Variants in ESYT2 observed in about 807,000 individuals in gnomAD.
The protein encoded by ESYT2 is extended synaptotagmin 2.
ESYT2 carries 54 observed loss-of-function variants against 107.2 expected under a neutral mutation model. The observed-to-expected ratio is 0.50, with a 90% CI of 0.40 to 0.63. ESYT2 has a LOEUF of 0.63. ESYT2 is among the 30% of genes least tolerant of loss of function. The pLI is 0.00. For synonymous variants in ESYT2, 491 were observed against 434.1 expected (o/e 1.13, Z -1.63); for missense variants, 1,020 against 1,094.5 (o/e 0.93, Z 0.96).
chr7:158,763,732 AG>A (rs1563635500), intron 9 of ESYT2, among the ~76,000 whole-genome samples: 2 of 152,164 alleles, frequency 1.3e-5, no homozygotes, highest in Admixed American at 1.3e-4. Context: ...GCGTCTCAAT[AG>A]ATCAAGTTCA....
At chr7:158,806,133 T>TGGGAGGC (rs1584873959) in intron 1 of ESYT2, among the ~76,000 whole-genome samples, 201 of 36,388 alleles carry the variant, frequency 5.5e-3, no homozygotes, top group South Asian at 8.0e-3. Flanking sequence ...GCGTGGGAGG[T>TGGGAGGC]GCCGGGGCAC....
At chr7:158,810,311 T>C (rs779933088) in intron 1 of ESYT2, among the ~76,000 whole-genome samples, 2 of 152,178 alleles carry the variant, frequency 1.3e-5, no homozygotes, top group Middle Eastern at 3.2e-3. Context: ...ACACAAAATA[T>C]AGCCTTTTCA....
intron 11 of ESYT2, among the ~76,000 whole-genome samples, chr7:158,760,385 C>T (rs1199539267): frequency 6.6e-6 from 1 of 152,252 alleles, no homozygotes; most frequent in Non-Finnish European, 1.5e-5. Context: ...GCTTTACACA[C>T]ACCAACCCCG....
At chr7:158,808,271 G>A (rs939818406) in intron 1 of ESYT2, among the ~76,000 whole-genome samples, 1 of 152,262 alleles carries the variant, frequency 6.6e-6, no homozygotes, top group African/African-American at 2.4e-5. Context: ...TTCTGAGTAA[G>A]GTGATGAAAT....
chr7:158,735,995 T>C (rs908318707), intron 20 of ESYT2, among the ~76,000 whole-genome samples: 4 of 152,122 alleles, frequency 2.6e-5, no homozygotes, highest in African/African-American at 9.7e-5. Flanking sequence ...GGTTTAGTCT[T>C]CAGGCCCTAT....
chr7:158,740,176 C>T (rs916996131), intron 18 of ESYT2, among the ~76,000 whole-genome samples: 3 of 152,204 alleles, frequency 2.0e-5, no homozygotes, highest in African/African-American at 7.2e-5. Context: ...CGGACTGCTG[C>T]TGGCTGTTCT....
chr7:158,744,557 T>C (rs765640181), intron 16 of ESYT2, among the ~76,000 whole-genome samples: 6 of 152,216 alleles, frequency 3.9e-5, no homozygotes, highest in Non-Finnish European at 7.3e-5. Flanking sequence ...CAGAGGTGGA[T>C]CTCACTATGT....
At chr7:158,736,283 G>C (rs1836946755) in intron 20 of ESYT2, among the ~76,000 whole-genome samples, 1 of 152,224 alleles carries the variant, frequency 6.6e-6, no homozygotes, top group African/African-American at 2.4e-5. Flanking sequence ...AAAGCTACTT[G>C]TATGAAAGTA....
chr7:158,793,069 A>G lies in ESYT2; in HGVS notation c.584+581T>C, dbSNP rs144781873. Among the ~76,000 whole-genome samples the G allele has an allele frequency of 2.6e-3, 380 of 148,682 alleles. 8 individuals carry two copies. In the East Asian group the frequency reaches 0.065, roughly 26 times the overall value. On this transcript the variant is annotated intron_variant, in intron 4 of 22. Transcript: ENST00000275418. ...AGGCATGAGCCACCACGCCCGGCCC[A>G]CTGAGTATGTTAACTGTGGGGTTTT...
intron 8 of ESYT2, 93 bp downstream of exon 8, chr7:158,767,561 G>A: frequency 1.3e-6 from 2 of 1,506,896 alleles, no homozygotes; most frequent in East Asian, 2.3e-5. Flanking sequence ...CTGCTGGGGA[G>A]AGACAAAGAG....
intron 2 of ESYT2, 99 bp from the exon 3 acceptor site, chr7:158,798,175 T>C: frequency 7.6e-7 from 1 of 1,311,878 alleles, no homozygotes; most frequent in Non-Finnish European, 1.1e-6. Context: ...AAACCTGGTT[T>C]TGAAAATAAA....
intron 6 of ESYT2, among the ~76,000 whole-genome samples, chr7:158,780,836 G>C (rs909089407): frequency 1.3e-5 from 2 of 152,250 alleles, no homozygotes; most frequent in Admixed American, 1.3e-4. Context: ...TGAAAGGCCT[G>C]TCCCTGAGCA....
chr7:158,743,437 C>A, intron 17 of ESYT2, 92 bp downstream of exon 17: 1 of 1,507,130 alleles, frequency 6.6e-7, no homozygotes. Context: ...ACAGAGCTTT[C>A]TTCACCGGCC....
intron 6 of ESYT2, among the ~76,000 whole-genome samples, chr7:158,781,763 G>A (rs566560081): frequency 1.3e-5 from 2 of 152,014 alleles, no homozygotes; most frequent in Admixed American, 1.3e-4. Flanking sequence ...TGAGAGATGT[G>A]AGTGTAAGAA....
chr7:158,797,210 G>C (rs936359174), intron 3 of ESYT2, among the ~76,000 whole-genome samples: 2 of 152,194 alleles, frequency 1.3e-5, no homozygotes, highest in Non-Finnish European at 2.9e-5. Context: ...GCCGTAGTGT[G>C]ATCATGGCTC....
intron 13 of ESYT2, among the ~76,000 whole-genome samples, chr7:158,755,991 T>TG (rs1414872165): frequency 2.6e-5 from 4 of 152,208 alleles, no homozygotes; most frequent in Admixed American, 6.5e-5. Context: ...GTTGTGCACA[T>TG]GTACCCTATA....
At position 158,764,862 on chromosome 7, in the gene ESYT2, A is replaced by C; in HGVS notation, c.925-9T>G. 1 of 1,612,718 alleles carries C rather than the reference A, an allele frequency of 6.2e-7. No individual in the cohort carries two copies. Among genetic ancestry groups the C allele is most frequent in the Admixed American group, 1.7e-5 (1 of 59,784 alleles). ...TGTATCCTTAGAACACCCTGAAAAG[A>C]AGAACAAACTGAAGTTTAGACCCTT... On this transcript the variant is annotated splice_polypyrimidine_tract_variant and intron_variant, in intron 8 of 22. Transcript: ENST00000275418.
intron 1 of ESYT2, among the ~76,000 whole-genome samples, chr7:158,828,602 C>G (rs1459189775): frequency 6.6e-6 from 1 of 152,140 alleles, no homozygotes; most frequent in African/African-American, 2.4e-5. Flanking sequence ...GCAGACGCGC[C>G]CCGGACCCGG....
chr7:158,768,194 T>C (rs921670204), intron 7 of ESYT2, among the ~76,000 whole-genome samples: 3 of 152,232 alleles, frequency 2.0e-5, no homozygotes, highest in African/African-American at 7.2e-5. Context: ...ATTTCAAACA[T>C]ACATATAAGT....
Sources: allele counts gnomAD v4.1 joint callset (sites outside exome capture counted in the v4.1 genomes callset), GRCh38; gene constraint gnomAD v4.1.1; transcripts MANE v1.5; gene names NCBI Gene and HGNC (gene_info 2026-07-23, HGNC 2026-07-21).